Variants in BCAS4 observed in about 807,000 individuals in gnomAD.
BCAS4 encodes the protein breast carcinoma amplified sequence 4.
Under a neutral mutation model 15.7 loss-of-function variants are expected in BCAS4, and 9 were observed. The ratio of observed to expected loss-of-function variants is 0.57; its 90% CI spans 0.34 to 1.00. The LOEUF (loss-of-function observed/expected upper bound fraction) is 1.00, where lower values mean the gene tolerates loss of function less well. Among genes scored for constraint, BCAS4 ranks in the 50% least tolerant of loss-of-function variants. The pLI is 0.02. For synonymous variants in BCAS4, 101 were observed against 99.5 expected (o/e 1.02, Z -0.09); for missense variants, 225 against 239.1 (o/e 0.94, Z 0.39).
In BCAS4 at chr20:50,814,068, A is replaced by G. The variant is rs576805862; in HGVS notation, c.91-4143A>G. Among the ~76,000 whole-genome samples, 11 of 152,172 alleles carry G rather than the reference A, an allele frequency of 7.2e-5. No individual in the cohort carries two copies. In the South Asian group the frequency reaches 8.3e-4, roughly 11 times the overall value. ...GGATAATCTTGAGAGAAAATTGCCC[A>G]TGGATGATTTGTGGGCATGGTGGGC... is the stretch of plus-strand genomic sequence containing the variant. On this transcript the variant is annotated intron_variant, in intron 1 of 4. Transcript: ENST00000371608.
rs147101123 is a variant in BCAS4 at position 50,847,318 on chromosome 20, C to G, written c.399+5418C>G. 5.4e-3 allele frequency among the ~76,000 whole-genome samples: 820 copies of G among 151,810 alleles called. 13 individuals are homozygous for G. The highest frequency in any genetic ancestry group is 0.018 in the African/African-American group (751 of 41,420). The stretch of plus-strand genomic sequence containing the variant: ...GCCAAGTTGGTCTCGAACTCCTGAC[C>G]TCAAGTGATCCACCCACCTCGGCCT... On this transcript the variant is annotated intron_variant, in intron 4 of 4. Coordinates refer to ENST00000371608, the MANE Select transcript of BCAS4 (RefSeq NM_198799.4).
chr20:50,806,310 G>A (rs2087989068), intron 1 of BCAS4, among the ~76,000 whole-genome samples: 1 of 152,204 alleles, frequency 6.6e-6, no homozygotes, highest in African/African-American at 2.4e-5. Context: ...GCGCCGCCCA[G>A]GCTGCTGTTC....
intron 4 of BCAS4, among the ~76,000 whole-genome samples, chr20:50,865,155 A>C (rs753321177): frequency 5.3e-5 from 8 of 152,228 alleles, no homozygotes; most frequent in Non-Finnish European, 1.2e-4. Flanking sequence ...AGACACTTAC[A>C]GTCAGTGGCC....
intron 4 of BCAS4, among the ~76,000 whole-genome samples, chr20:50,842,574 T>C (rs574431545): frequency 6.6e-6 from 1 of 152,280 alleles, no homozygotes; most frequent in Admixed American, 6.5e-5. Context: ...CACGTCACCA[T>C]GCCCAGCTAA....
At chr20:50,842,457 C>T (rs186198355) in intron 4 of BCAS4, among the ~76,000 whole-genome samples, 5 of 152,222 alleles carry the variant, frequency 3.3e-5, no homozygotes, top group Non-Finnish European at 5.9e-5. Context: ...CACTCTGTCA[C>T]CCAGGCTGGA....
chr20:50,846,066 C>T (rs2088539771), intron 4 of BCAS4, among the ~76,000 whole-genome samples: 1 of 152,258 alleles, frequency 6.6e-6, no homozygotes, highest in Non-Finnish European at 1.5e-5. Flanking sequence ...GAGGCATTTG[C>T]TCCACAGACG....
rs771826476 is a variant in BCAS4 at position 50,876,510 on chromosome 20, A to G, written c.424A>G (p.Thr142Ala). The G allele has an allele frequency of 1.2e-6, 2 of 1,613,790 alleles. No individual in the cohort carries two copies. The highest frequency in any genetic ancestry group is 1.7e-6 in the Non-Finnish European group (2 of 1,179,930). Reference sequence around the variant, plus strand: ...GAAGTCACCTGCACCGGTGCCCGTGACGTACGAGCTGCCCACACTGTATAG... The same window carrying G: ...GAAGTCACCTGCACCGGTGCCCGTGGCGTACGAGCTGCCCACACTGTATAG... Reference protein sequence around the residue: ...RNKSPAPVPVTYELPTLYRTE... With the variant: ...RNKSPAPVPVAYELPTLYRTE... Residue 142 changes from threonine (T) to alanine (A), a missense_variant, in exon 5 of 5, where the codon ACG becomes GCG. By Grantham distance (58) the Thr-to-Ala change is moderately conservative. Transcript: ENST00000371608.
rs2088329667 is a variant in BCAS4, at chr20:50,830,399, A to G, written c.264+19A>G. ...GCTAGAGGTACGTCTAGGCAAACGA[A>G]GGTTCTGAGGCTGTGGACTTGATCT... On this transcript the variant is annotated intron_variant, in intron 3 of 4. Coordinates refer to ENST00000371608, the MANE Select transcript of BCAS4 (RefSeq NM_198799.4). The G allele has an allele frequency of 6.3e-7, 1 of 1,594,958 alleles. No individual in the cohort carries two copies. Among genetic ancestry groups the G allele is most frequent in the South Asian group, 1.1e-5 (1 of 89,486 alleles).
At chr20:50,831,863 G>A (rs76536859) in intron 3 of BCAS4, among the ~76,000 whole-genome samples, 4,982 of 152,270 alleles carry the variant, frequency 0.033, 305 homozygotes, top group African/African-American at 0.11. Flanking sequence ...GGGAGCAGGC[G>A]TGGCTGTCAG....
At position 50,809,009 on chromosome 20, in the gene BCAS4, A is replaced by G. The variant is rs538109189; in HGVS notation, c.91-9202A>G. The stretch of plus-strand genomic sequence containing the variant: ...TGATGCATCTTGAGTTGATTTTTGT[A>G]TAAGGTGAGAGATGAGGATCCAGTT... On this transcript the variant is annotated intron_variant, in intron 1 of 4. Transcript: ENST00000371608. Among the ~76,000 whole-genome samples the G allele has an allele frequency of 2.7e-4, 41 of 152,182 alleles. No individual in the cohort carries two copies. The South Asian group carries it at 6.4e-3, about 24-fold the overall frequency.
At chr20:50,863,248 CTTTTTTTTTTTTT>C (rs1054175958) in intron 4 of BCAS4, among the ~76,000 whole-genome samples, 9 of 86,096 alleles carry the variant, frequency 1.0e-4, no homozygotes, top group African/African-American at 3.8e-4. Context: ...CTAACTGGTG[CTTTTTTTTTTTTT>C]TTTTTTTTTT....
At chr20:50,818,477 C>T (rs1466685840) in intron 2 of BCAS4, among the ~76,000 whole-genome samples, 195 bp downstream of exon 2, 2 of 152,220 alleles carry the variant, frequency 1.3e-5, no homozygotes, top group Non-Finnish European at 2.9e-5. Flanking sequence ...TCACTCAACC[C>T]CAAGTGCTTC....
chr20:50,795,230 CT>C, intron 1 of BCAS4, 57 bp downstream of exon 1: 1 of 1,265,454 alleles, frequency 7.9e-7, no homozygotes, highest in Non-Finnish European at 1.0e-6. Context: ...GGGGTCCGGG[CT>C]CCGGACCCTC....
intron 2 of BCAS4, among the ~76,000 whole-genome samples, chr20:50,820,601 G>A (rs553927523): frequency 5.3e-5 from 8 of 152,248 alleles, no homozygotes; most frequent in African/African-American, 1.4e-4. Flanking sequence ...ATCCCATCCC[G>A]TCATCCACAT....
chr20:50,806,862 C>CTTT (rs34670373), intron 1 of BCAS4, among the ~76,000 whole-genome samples: 8 of 83,356 alleles, frequency 9.6e-5, no homozygotes, highest in Admixed American at 2.9e-4. Context: ...TCCATTTATA[C>CTTT]TTTTTTTTTT....
chr20:50,812,193 C>T (rs953359781), intron 1 of BCAS4, among the ~76,000 whole-genome samples: 7 of 148,338 alleles, frequency 4.7e-5, no homozygotes, highest in African/African-American at 1.7e-4. Flanking sequence ...AGTGCAGTGG[C>T]ACAATCTTGG....
In BCAS4 at chr20:50,814,979, G is replaced by A. The variant is rs143360297; in HGVS notation, c.91-3232G>A. 2.4e-4 allele frequency among the ~76,000 whole-genome samples: 37 copies of A among 152,232 alleles called. No homozygotes were observed. In the East Asian group the frequency reaches 7.0e-3, roughly 29 times the overall value. ...AAATACAAAAAAAGAGAGAAAGCGA[G>A]CTATGGAATGCAACCCCTTATCACG... On this transcript the variant is annotated intron_variant, in intron 1 of 4. Coordinates refer to ENST00000371608, the MANE Select transcript of BCAS4 (RefSeq NM_198799.4).
At chr20:50,877,582 G>A (rs1471558399), downstream of BCAS4, 2 of 152,280 alleles carry the variant, frequency 1.3e-5, no homozygotes, top group African/African-American at 4.8e-5. Flanking sequence ...AATCTGCCTG[G>A]GCAAGGTGAC....
At chr20:50,866,934 G>C (rs535702995) in intron 4 of BCAS4, among the ~76,000 whole-genome samples, 7 of 152,166 alleles carry the variant, frequency 4.6e-5, no homozygotes, top group Admixed American at 4.6e-4. Flanking sequence ...GTCCCATCGC[G>C]GGCCGGGCAC....
Sources: allele counts gnomAD v4.1 joint callset (sites outside exome capture counted in the v4.1 genomes callset), GRCh38; gene constraint gnomAD v4.1.1; transcripts MANE v1.5; gene names NCBI Gene and HGNC (gene_info 2026-07-23, HGNC 2026-07-21).